GDPD1: variants seen among roughly 807,000 people sequenced by gnomAD.
GDPD1 encodes lysophospholipase D GDPD1.
Under a neutral mutation model 45.1 loss-of-function variants are expected in GDPD1, and 28 were observed. That is an observed-to-expected ratio of 0.62 (90% CI 0.46 to 0.85). The LOEUF is 0.85. Ranked by LOEUF, GDPD1 falls within the 40% of genes least tolerant of loss-of-function variation. The pLI is 0.00. For missense variants in GDPD1, 256 were observed against 364.8 expected, an observed-to-expected ratio of 0.70 and a Z score of 2.43; for synonymous variants, 139 against 131.4, an observed-to-expected ratio of 1.06 and a Z score of -0.40.
In GDPD1 at chr17:59,245,533, C is replaced by G. The variant is rs761570536; in HGVS notation, c.305C>G (p.Ser102Cys). The G allele has an allele frequency of 2.0e-5, 32 of 1,609,324 alleles. No individual in the cohort carries two copies. The East Asian group carries it at 6.9e-4, about 35-fold the overall frequency. The change falls in exon 3 of 10, where the codon TCT (serine) becomes TGT (cysteine). Residue 102 changes from serine (S) to cysteine (C), a missense_variant. Transcript: ENST00000284116. ...KRATGVNVNI[S>C]DLKYCELPPY... is the part of the protein sequence containing the mutation. The stretch of plus-strand genomic sequence containing the variant: ...GCAACTGGGGTCAATGTAAACATCT[C>G]TGATCTCAAATACTGTGTAAGTAAA...
At position 59,233,528 on chromosome 17, in the gene GDPD1, AAG is replaced by A. The variant is rs1340247222; in HGVS notation, c.143-962_143-961del. On this transcript the variant is annotated intron_variant, in intron 1 of 9. Coordinates refer to ENST00000284116, the MANE Select transcript of GDPD1 (RefSeq NM_182569.4). ...CTCCGTCTCAAAAAAAAAAAAAAAAAAGAAAGAAAAAACAAAAACAAAACAAT... is the reference window on the plus strand; with the variant it reads ...CTCCGTCTCAAAAAAAAAAAAAAAAAAAAGAAAAAACAAAAACAAAACAAT... Among the ~76,000 whole-genome samples the A allele has an allele frequency of 7.3e-5, 11 of 150,786 alleles. No individual in the cohort carries two copies. The East Asian group carries it at 9.7e-4, about 13-fold the overall frequency.
intron 1 of GDPD1, among the ~76,000 whole-genome samples, chr17:59,230,075 A>G (rs930264252): frequency 3.1e-4 from 47 of 152,326 alleles, no homozygotes; most frequent in African/African-American, 1.0e-3. Context: ...AAAATAGGTA[A>G]CATTTATGTT....
Position 59,273,662 on chromosome 17 carries a change from G to T in GDPD1, c.834G>T (p.Trp278Cys). 1 of 1,500,908 alleles carries T rather than the reference G, an allele frequency of 6.7e-7. No homozygotes were observed. Among genetic ancestry groups the T allele is most frequent in the Non-Finnish European group, 9.2e-7 (1 of 1,088,908 alleles). 93.0% of individuals were successfully genotyped at this position (1,500,908 alleles called of 1,614,324 possible). A position where few individuals can be genotyped will look rare whatever the true frequency, so the allele number is the denominator to read the frequency against. The change falls in exon 10 of 10, where the codon TGG becomes TGT. Residue 278 changes from tryptophan (W) to cysteine (C), a missense_variant. Coordinates refer to ENST00000284116, the MANE Select transcript of GDPD1 (RefSeq NM_182569.4). ...LTARGIQVYI[W>C]VLNEEQEYKR... Reference sequence around the variant, plus strand: ...CTTCTAATTTTCAGGTGTATATTTGGGTATTAAATGAAGAACAAGAATACA... The same window carrying T: ...CTTCTAATTTTCAGGTGTATATTTGTGTATTAAATGAAGAACAAGAATACA...
chr17:59,269,189 C>T (rs1279996251), intron 7 of GDPD1, among the ~76,000 whole-genome samples: 2 of 151,590 alleles, frequency 1.3e-5, no homozygotes, highest in Non-Finnish European at 2.9e-5. Context: ...CTCAGTTACT[C>T]GGGAGGCTGA....
Position 59,246,709 on chromosome 17 carries a change from CAA to C in GDPD1, c.321+1182_321+1183del, listed in dbSNP as rs749077536. On this transcript the variant is annotated intron_variant, in intron 3 of 9. Coordinates refer to ENST00000284116, the MANE Select transcript of GDPD1 (RefSeq NM_182569.4). ...GGTTGAAAAGAGCGAGACTCCATCT[CAA>C]AAAAAAAAAAAAAAAAAAAAAGAAA... is the stretch of plus-strand genomic sequence containing the variant. Among the ~76,000 whole-genome samples, 22 of 27,558 alleles carry C rather than the reference CAA, an allele frequency of 8.0e-4. No homozygotes were observed. The East Asian group carries it at 0.021, about 27-fold the overall frequency. 18.1% of individuals were successfully genotyped at this position (27,558 alleles called of 152,430 possible).
At chr17:59,235,120 A>G (rs2047121827) in intron 2 of GDPD1, among the ~76,000 whole-genome samples, 1 of 152,112 alleles carries the variant, frequency 6.6e-6, no homozygotes, top group Admixed American at 6.6e-5. Context: ...AGAGTCAATG[A>G]TTATCATCAG....
In GDPD1 at chr17:59,274,764, C is replaced by A. The variant is rs1294238720; in HGVS notation, c.*991C>A. Among the ~76,000 whole-genome samples the A allele has an allele frequency of 6.7e-6, 1 of 148,798 alleles. No individual in the cohort carries two copies. Among genetic ancestry groups the A allele is most frequent in the Non-Finnish European group, 1.5e-5 (1 of 67,322 alleles). ...CTGCACTCCAGCCTGGGCTACAGAG[C>A]AAGACTCCGTCTCAAAAAAAGAAAA... is the stretch of plus-strand genomic sequence containing the variant. On this transcript the variant is annotated 3_prime_UTR_variant, in exon 10 of 10. Coordinates refer to ENST00000284116, the MANE Select transcript of GDPD1 (RefSeq NM_182569.4).
rs1289871625 is a variant in GDPD1 at position 59,270,385 on chromosome 17, G to GC, written c.711-551_711-550insC. On this transcript the variant is annotated intron_variant, in intron 7 of 9. Transcript: ENST00000284116. ...ATTTTTATGTTTTTAGTAGAGACGG[G>GC]GGGGGGTTTCACTATGTTGGCCAGG... Among the ~76,000 whole-genome samples the GC allele has an allele frequency of 3.3e-5, 5 of 151,620 alleles. No homozygotes were observed. In the East Asian group the frequency reaches 5.8e-4, roughly 18 times the overall value.
chr17:59,246,834 C>G (rs1304386781), intron 3 of GDPD1, among the ~76,000 whole-genome samples: 2 of 151,268 alleles, frequency 1.3e-5, no homozygotes, highest in East Asian at 2.0e-4. Flanking sequence ...GTGGCATGAT[C>G]TCGGCTCACT....
intron 2 of GDPD1, among the ~76,000 whole-genome samples, chr17:59,240,722 C>T (rs751835044): frequency 4.6e-5 from 7 of 152,120 alleles, no homozygotes; most frequent in South Asian, 2.1e-4. Context: ...CCTCCTGGCT[C>T]GGCCTCCCAA....
At chr17:59,228,768 C>T (rs909170377) in intron 1 of GDPD1, among the ~76,000 whole-genome samples, 4 of 151,262 alleles carry the variant, frequency 2.6e-5, no homozygotes, top group Admixed American at 6.6e-5. Context: ...GTAGTCCTAG[C>T]TACTTGGGAG....
chr17:59,231,339 T>C (rs1046159347), intron 1 of GDPD1, among the ~76,000 whole-genome samples: 1 of 147,872 alleles, frequency 6.8e-6, no homozygotes, highest in Admixed American at 6.8e-5. Context: ...TTTTTTTTTT[T>C]TTTTTGAGAC....
intron 6 of GDPD1, among the ~76,000 whole-genome samples, chr17:59,261,913 C>CTTTTGTTTTTTTTT (rs2047358676): frequency 1.3e-5 from 1 of 79,350 alleles, no homozygotes; most frequent in Non-Finnish European, 2.2e-5. Flanking sequence ...AGATTACAGG[C>CTTTTGTTTTTTTTT]TTTTTTTTTT....
At chr17:59,240,480 A>G (rs2047167538) in intron 2 of GDPD1, among the ~76,000 whole-genome samples, 1 of 151,872 alleles carries the variant, frequency 6.6e-6, no homozygotes, top group African/African-American at 2.4e-5. Flanking sequence ...GTATTTTTTA[A>G]ATTTTATTAT....
chr17:59,258,692 A>C (rs1485660634), intron 6 of GDPD1, among the ~76,000 whole-genome samples: 1 of 152,230 alleles, frequency 6.6e-6, no homozygotes, highest in East Asian at 1.9e-4. Flanking sequence ...AACTGGTTCA[A>C]GGAATTATTA....
rs1307769122 is a variant in GDPD1, at chr17:59,255,786, C to T, written c.368-1336C>T. Among the ~76,000 whole-genome samples, 92 of 40,406 alleles carry T rather than the reference C, an allele frequency of 2.3e-3. 8 individuals carry two copies. In the South Asian group the frequency reaches 0.066, roughly 29 times the overall value. 26.5% of individuals were successfully genotyped at this position (40,406 alleles called of 152,430 possible). A position where few individuals can be genotyped will look rare whatever the true frequency, so the allele number is the denominator to read the frequency against. On this transcript the variant is annotated intron_variant, in intron 4 of 9. Transcript: ENST00000284116. ...AAATATATATATATATATATATATACGCGTATATATGTATATATATATATA... is the reference window on the plus strand; with the variant it reads ...AAATATATATATATATATATATATATGCGTATATATGTATATATATATATA...
chr17:59,234,675 C>A (rs2047118485), intron 2 of GDPD1, 141 bp downstream of exon 2: 7 of 639,086 alleles, frequency 1.1e-5, no homozygotes, highest in African/African-American at 1.9e-5. Flanking sequence ...GTTAAAATTT[C>A]TTTTTTTAAT....
At chr17:59,272,740 A>G (rs765849764) in intron 8 of GDPD1, 45 bp from the exon 9 acceptor site, 1 of 1,092,542 alleles carries the variant, frequency 9.2e-7, no homozygotes, top group Non-Finnish European at 1.4e-6. Context: ...CTAAATTAGG[A>G]CTAAGGACTA....
In GDPD1 at chr17:59,258,354, G is replaced by A. The variant is rs932321106; in HGVS notation, c.576+514G>A. Among the ~76,000 whole-genome samples the A allele has an allele frequency of 2.0e-5, 3 of 151,990 alleles. No individual in the cohort carries two copies. The East Asian group carries it at 5.9e-4, about 30-fold the overall frequency. ...AGGTCAGGAGTTCGAGACCAACCTG[G>A]CCAATATGGTGAAACCCTGTCTCTA... On this transcript the variant is annotated intron_variant, in intron 6 of 9. Coordinates refer to ENST00000284116, the MANE Select transcript of GDPD1 (RefSeq NM_182569.4).
Sources: gnomAD v4.1 joint callset for allele counts (sites outside exome capture counted in the v4.1 genomes callset) on GRCh38, gnomAD v4.1.1 for gene constraint, MANE v1.5 for transcripts, NCBI Gene and HGNC (gene_info 2026-07-23, HGNC 2026-07-21) for gene names.